The following NXPH1 variants were observed in gnomAD, a reference collection of about 807,000 sequenced individuals.
The protein encoded by NXPH1 is neurexophilin-1.
Under a neutral mutation model 23.7 loss-of-function variants are expected in NXPH1, and 5 were observed. The ratio of observed to expected loss-of-function variants is 0.21; its 90% CI spans 0.11 to 0.44. NXPH1 has a LOEUF of 0.44. NXPH1 is among the 20% of genes least tolerant of loss of function. The pLI, the probability that NXPH1 is intolerant of heterozygous loss-of-function variation, is 0.99. For missense variants in NXPH1, 324 were observed against 321.6 expected, an observed-to-expected ratio of 1.01 and a Z score of -0.06; for synonymous variants, 144 against 122.2, an observed-to-expected ratio of 1.18 and a Z score of -1.18.
chr7:8,479,632 GA>G (rs1817038140), intron 2 of NXPH1, among the ~76,000 whole-genome samples: 1 of 152,086 alleles, frequency 6.6e-6, no homozygotes, highest in Non-Finnish European at 1.5e-5. Context: ...AAAGAAACAG[GA>G]CTTAGAGAAA....
intron 2 of NXPH1, among the ~76,000 whole-genome samples, chr7:8,581,417 T>C (rs1459551761): frequency 1.3e-5 from 2 of 152,112 alleles, no homozygotes; most frequent in East Asian, 1.9e-4. Context: ...AGGCACATCT[T>C]ACATGGCTGG....
intron 2 of NXPH1, among the ~76,000 whole-genome samples, chr7:8,491,110 G>A (rs907176870): frequency 1.3e-5 from 2 of 151,940 alleles, no homozygotes; most frequent in African/African-American, 2.4e-5. Flanking sequence ...AGTGTAGCTT[G>A]TAGTTTATTA....
intron 2 of NXPH1, among the ~76,000 whole-genome samples, chr7:8,595,127 T>C (rs1227624880): frequency 6.6e-6 from 1 of 152,052 alleles, no homozygotes; most frequent in Non-Finnish European, 1.5e-5. Flanking sequence ...AGCACACTTT[T>C]ATCTGTCTTT....
chr7:8,721,933 C>T (rs1461869403), intron 2 of NXPH1, among the ~76,000 whole-genome samples: 1 of 152,040 alleles, frequency 6.6e-6, no homozygotes, highest in Non-Finnish European at 1.5e-5. Flanking sequence ...TTTCACCACC[C>T]CCATGGCAAA....
intron 2 of NXPH1, among the ~76,000 whole-genome samples, chr7:8,487,118 C>T (rs1817171732): frequency 6.6e-6 from 1 of 152,000 alleles, no homozygotes; most frequent in African/African-American, 2.4e-5. Context: ...ATGTAATCTA[C>T]TTATCATATA....
chr7:8,514,621 A>G (rs186867075), intron 2 of NXPH1, among the ~76,000 whole-genome samples: 10 of 152,252 alleles, frequency 6.6e-5, no homozygotes, highest in Admixed American at 3.3e-4. Flanking sequence ...TATAGGGTCT[A>G]TGTTCCAAGT....
At chr7:8,526,398 C>T (rs1817862191) in intron 2 of NXPH1, among the ~76,000 whole-genome samples, 1 of 152,156 alleles carries the variant, frequency 6.6e-6, no homozygotes, top group Non-Finnish European at 1.5e-5. Context: ...AGACTTTGGA[C>T]TGTGAACTTT....
At chr7:8,722,150 A>C (rs1278958013) in intron 2 of NXPH1, among the ~76,000 whole-genome samples, 2 of 152,212 alleles carry the variant, frequency 1.3e-5, no homozygotes, top group Admixed American at 6.5e-5. Flanking sequence ...TATGCGAAAA[A>C]AAAAGACTTC....
At chr7:8,579,429 A>G (rs1234650480) in intron 2 of NXPH1, among the ~76,000 whole-genome samples, 3 of 151,046 alleles carry the variant, frequency 2.0e-5, no homozygotes, top group African/African-American at 4.9e-5. Context: ...CTAGAGTGCA[A>G]TGGTGTGATC....
At chr7:8,506,602 A>G (rs965404898) in intron 2 of NXPH1, among the ~76,000 whole-genome samples, 3 of 152,066 alleles carry the variant, frequency 2.0e-5, no homozygotes, top group African/African-American at 7.2e-5. Context: ...TGTGTGTTTG[A>G]TGAGAAAATA....
chr7:8,611,446 A>T (rs1399551876), intron 2 of NXPH1, among the ~76,000 whole-genome samples: 2 of 152,178 alleles, frequency 1.3e-5, no homozygotes, highest in African/African-American at 4.8e-5. Context: ...AAATGAGCAT[A>T]AAGTAAGAAT....
intron 2 of NXPH1, among the ~76,000 whole-genome samples, chr7:8,586,901 A>G (rs758484773): frequency 2.1e-4 from 32 of 152,118 alleles, no homozygotes; most frequent in Non-Finnish European, 4.1e-4. Flanking sequence ...GCAATACTCT[A>G]TCCCTTAGAG....
intron 2 of NXPH1, among the ~76,000 whole-genome samples, chr7:8,699,725 C>T (rs1046476691): frequency 3.3e-5 from 5 of 151,992 alleles, no homozygotes; most frequent in Non-Finnish European, 5.9e-5. Flanking sequence ...TCCGTTTGGG[C>T]CACTTTGCAT....
At position 8,601,441 on chromosome 7, in the gene NXPH1, C is replaced by T. The variant is rs73675908; in HGVS notation, c.55-149567C>T. 4.9e-3 allele frequency among the ~76,000 whole-genome samples: 743 copies of T among 152,286 alleles called. 7 individuals are homozygous for T. The highest frequency in any genetic ancestry group is 0.031 in the Middle Eastern group (9 of 294). On this transcript the variant is annotated intron_variant, in intron 2 of 2. Coordinates refer to ENST00000405863, the MANE Select transcript of NXPH1 (RefSeq NM_152745.3). ...GCTACCAAACTGGTGTATCCAGTGA[C>T]TCTGAGGTTACCCAAGTTCTCAGCG...
At chr7:8,539,586 T>C (rs6955389) in intron 2 of NXPH1, among the ~76,000 whole-genome samples, 53,589 of 151,658 alleles carry the variant, frequency 0.35, 9,762 homozygotes, top group East Asian at 0.52. Flanking sequence ...CCCTCACATA[T>C]TATGTATAAG....
At chr7:8,482,079 G>A (rs1160296745) in intron 2 of NXPH1, among the ~76,000 whole-genome samples, 4 of 152,220 alleles carry the variant, frequency 2.6e-5, no homozygotes, top group Non-Finnish European at 5.9e-5. Flanking sequence ...TCCGTAGGCT[G>A]GGATTACGCA....
chr7:8,684,818 A>T (rs1473658750), intron 2 of NXPH1, among the ~76,000 whole-genome samples: 1 of 152,128 alleles, frequency 6.6e-6, no homozygotes, highest in Non-Finnish European at 1.5e-5. Context: ...ATTTTGTCCC[A>T]TTGGTCATAT....
chr7:8,692,122 G>GCTAT (rs1821230676), intron 2 of NXPH1, among the ~76,000 whole-genome samples: 1 of 151,608 alleles, frequency 6.6e-6, no homozygotes, highest in African/African-American at 2.4e-5. Flanking sequence ...GCTATGAGAT[G>GCTAT]GCAGGGAGGG....
chr7:8,655,400 TTCTCTCTCTCTCTCTCTCTC>T (rs869162322), intron 2 of NXPH1, among the ~76,000 whole-genome samples: 109 of 42,892 alleles, frequency 2.5e-3, no homozygotes, highest in African/African-American at 7.1e-3. Flanking sequence ...GTCTTTGTCT[TTCTCTCTCTCTCTCTCTCTC>T]TCTCTCTCTC....
Sources: gnomAD v4.1 joint callset for allele counts (sites outside exome capture counted in the v4.1 genomes callset) on GRCh38, gnomAD v4.1.1 for gene constraint, MANE v1.5 for transcripts, NCBI Gene and HGNC (gene_info 2026-07-23, HGNC 2026-07-21) for gene names.